The following RETREG3 variants were observed in gnomAD, a reference collection of about 807,000 sequenced individuals.
RETREG3 encodes the protein reticulophagy regulator 3.
In RETREG3, 23 loss-of-function variants were observed where a neutral mutation model predicts 50.2. That is an observed-to-expected ratio of 0.46 (90% CI 0.33 to 0.65). The LOEUF (loss-of-function observed/expected upper bound fraction) is 0.65, where lower values mean the gene tolerates loss of function less well. RETREG3 is among the 30% of genes least tolerant of loss of function. The pLI, the probability that RETREG3 is intolerant of heterozygous loss-of-function variation, is 0.02. For missense variants in RETREG3, 546 were observed against 598.0 expected (o/e 0.91, Z 0.91); for synonymous variants, 240 against 234.4 (o/e 1.02, Z -0.22).
intron 1 of RETREG3, among the ~76,000 whole-genome samples, chr17:42,599,612 C>G (rs1166978741): frequency 6.7e-6 from 1 of 149,970 alleles, no homozygotes; most frequent in Admixed American, 6.7e-5. Flanking sequence ...TGAGATTGTG[C>G]CATTGCATTC....
chr17:42,602,710 G>T (rs1567927073), intron 1 of RETREG3, among the ~76,000 whole-genome samples: 1 of 152,224 alleles, frequency 6.6e-6, no homozygotes. Flanking sequence ...GGGAGGCCAA[G>T]GTGGGTGGAC....
intron 7 of RETREG3, 109 bp downstream of exon 7, chr17:42,583,389 G>C: frequency 1.1e-6 from 1 of 872,246 alleles, no homozygotes; most frequent in Non-Finnish European, 1.7e-6. Context: ...TTGGGAACAA[G>C]GGGAGTCTAA....
chr17:42,604,694 C>CAAAAAAAA (rs1007735904), intron 1 of RETREG3, among the ~76,000 whole-genome samples: 1 of 44,518 alleles, frequency 2.2e-5, no homozygotes, highest in African/African-American at 8.4e-5. Flanking sequence ...GATTCCCCAG[C>CAAAAAAAA]AAAAAAAAAA....
rs1370283824 is a variant in RETREG3, at chr17:42,591,982, C to A, written c.346+74G>T. On this transcript the variant is annotated intron_variant, in intron 2 of 8. Transcript: ENST00000309428. ...CAGCTCCATACACCTCCTCATAAAC[C>A]CCTAATACTAAAGGTACAAATTATA... 10 of 1,307,604 alleles carry A rather than the reference C, an allele frequency of 7.6e-6. No homozygotes were observed. The Admixed American group carries it at 1.5e-4, about 20-fold the overall frequency. The allele number at this position is 1,307,604 out of a possible 1,614,324, so 81.0% of individuals were successfully genotyped here. A position where few individuals can be genotyped will look rare whatever the true frequency, so the allele number is the denominator to read the frequency against.
At chr17:42,594,641 A>G (rs1314578927) in intron 1 of RETREG3, among the ~76,000 whole-genome samples, 3 of 151,916 alleles carry the variant, frequency 2.0e-5, no homozygotes, top group Non-Finnish European at 4.4e-5. Context: ...CAGGAGATCG[A>G]GACCATCCTG....
At chr17:42,604,911 A>G (rs1462556930) in intron 1 of RETREG3, among the ~76,000 whole-genome samples, 1 of 151,972 alleles carries the variant, frequency 6.6e-6, no homozygotes, top group African/African-American at 2.4e-5. Context: ...TGACTCTCAC[A>G]TTCTTCCCCC....
At chr17:42,608,799 G>A (rs2093173283) in intron 1 of RETREG3, 1 of 380,432 alleles carries the variant, frequency 2.6e-6, no homozygotes, top group South Asian at 6.0e-5. Flanking sequence ...CAAAAGAGGA[G>A]CCCTCGCTCA....
rs749757633 is a variant in RETREG3, at chr17:42,581,969, T to G, written c.1245A>C (p.Gln415His). 2 of 1,613,952 alleles carry G rather than the reference T, an allele frequency of 1.2e-6. No homozygotes were observed. The highest frequency in any genetic ancestry group is 1.7e-6 in the Non-Finnish European group (2 of 1,180,028). ...MIQLALSGAS[Q>H]PGPSGAPAQR... ...GGGCAGGTGCTCCAGAAGGGCCTGG[T>G]TGGGAGGCCCCTGACAAGGCCAGCT... Residue 415 changes from glutamine to histidine, a missense_variant, in exon 9 of 9, where the codon CAA becomes CAC. Coordinates refer to ENST00000309428, the MANE Select transcript of RETREG3 (RefSeq NM_178126.4).
rs576635777 is a variant in RETREG3 at position 42,606,665 on chromosome 17, A to G, written c.239+2421T>C. 9.7e-4 allele frequency among the ~76,000 whole-genome samples: 148 copies of G among 152,244 alleles called. No homozygotes were observed. The Middle Eastern group carries it at 0.01, about 11-fold the overall frequency. On this transcript the variant is annotated intron_variant, in intron 1 of 8. Coordinates refer to ENST00000309428, the MANE Select transcript of RETREG3 (RefSeq NM_178126.4). ...CAAAAAGAACAGCATACATGCTACT[A>G]ATTCATTTGCATTCATAAATCTTTG...
intron 1 of RETREG3, among the ~76,000 whole-genome samples, chr17:42,608,084 G>A (rs1055435649): frequency 6.6e-6 from 1 of 152,140 alleles, no homozygotes; most frequent in Non-Finnish European, 1.5e-5. Context: ...AAATTTTAAG[G>A]GGAAAGCTAT....
At position 42,581,651 on chromosome 17, in the gene RETREG3, T is replaced by G; in HGVS notation, c.*162A>C. 1.7e-6 allele frequency: 1 copy of G among 594,124 alleles called. No individual in the cohort carries two copies. Among genetic ancestry groups the G allele is most frequent in the Non-Finnish European group, 2.8e-6 (1 of 353,438 alleles). The allele number at this position is 594,124 out of a possible 1,614,324, so 36.8% of individuals were successfully genotyped here. ...GGGCATCCAGCTGGTGGGAGGGGAG[T>G]GAGTGTCCTCTCTAAGGAGGCCTCT... On this transcript the variant is annotated 3_prime_UTR_variant, in exon 9 of 9. Coordinates refer to ENST00000309428, the MANE Select transcript of RETREG3 (RefSeq NM_178126.4).
chr17:42,596,359 C>CAAAAAAAAAAAAA (rs60457978), intron 1 of RETREG3, among the ~76,000 whole-genome samples: 10 of 64,714 alleles, frequency 1.5e-4, no homozygotes, highest in Admixed American at 2.4e-4. Context: ...GACCCTTTCT[C>CAAAAAAAAAAAAA]AAAAAAAAAA....
intron 1 of RETREG3, among the ~76,000 whole-genome samples, chr17:42,605,749 T>C (rs2093166720): frequency 6.6e-6 from 1 of 152,072 alleles, no homozygotes; most frequent in African/African-American, 2.4e-5. Context: ...TCCCAGCACT[T>C]TGGGAGACCG....
At chr17:42,596,913 C>A (rs527565640) in intron 1 of RETREG3, among the ~76,000 whole-genome samples, 32 of 149,426 alleles carry the variant, frequency 2.1e-4, no homozygotes, top group African/African-American at 7.7e-4. Context: ...GGCTTTGTCA[C>A]CCAGGCTGAA....
intron 1 of RETREG3, chr17:42,599,056 G>A (rs988833081): frequency 1.3e-5 from 2 of 152,124 alleles, no homozygotes; most frequent in African/African-American, 4.8e-5. Context: ...CGTGCTCTGG[G>A]AAGGGGAAAT....
rs752898049 is a variant in RETREG3 at position 42,609,342 on chromosome 17, A to G, written c.-18T>C. ...TCAGCCATCTCCCCGCGGCAGCCAC[A>G]ACATCCGGGGCCGTGGCCCGACAAG... On this transcript the variant is annotated 5_prime_UTR_variant, in exon 1 of 9. Transcript: ENST00000309428. 4.4e-6 allele frequency: 7 copies of G among 1,591,350 alleles called. No homozygotes were observed. The highest frequency in any genetic ancestry group is 1.7e-6 in the Non-Finnish European group (2 of 1,174,734).
At chr17:42,606,462 G>A (rs1484914631) in intron 1 of RETREG3, among the ~76,000 whole-genome samples, 8 of 151,796 alleles carry the variant, frequency 5.3e-5, no homozygotes, top group East Asian at 1.9e-4. Context: ...TTAGCCGGGC[G>A]TGGTGGCGCG....
intron 1 of RETREG3, 62 bp downstream of exon 1, chr17:42,609,024 G>A: frequency 6.7e-7 from 1 of 1,503,032 alleles, no homozygotes; most frequent in Non-Finnish European, 9.0e-7. Context: ...GCGAGAAGTA[G>A]AGCCCTAGAG....
chr17:42,591,274 C>T (rs772525150), intron 2 of RETREG3, among the ~76,000 whole-genome samples: 1 of 152,016 alleles, frequency 6.6e-6, no homozygotes, highest in Non-Finnish European at 1.5e-5. Context: ...CTATAATTGT[C>T]ACTTAATTTT....
Sources: allele counts gnomAD v4.1 joint callset (sites outside exome capture counted in the v4.1 genomes callset), GRCh38; gene constraint gnomAD v4.1.1; transcripts MANE v1.5; gene names NCBI Gene and HGNC (gene_info 2026-07-23, HGNC 2026-07-21).